The following ULBP3 variants were observed in gnomAD, a reference collection of about 807,000 sequenced individuals.
The protein encoded by ULBP3 is UL16 binding protein 3, also known as UL16-binding protein 3.
A neutral mutation model predicts 24.9 loss-of-function variants in ULBP3; 25 were observed. The ratio of observed to expected loss-of-function variants is 1.00; its 90% CI spans 0.73 to 1.40. ULBP3 has a LOEUF of 1.40. ULBP3 is among the 40% of genes most tolerant of loss of function. ULBP3 has a pLI of 0.00. For missense variants in ULBP3, 306 were observed against 307.5 expected, an observed-to-expected ratio of 1.00 and a Z score of 0.04; for synonymous variants, 114 against 114.7, an observed-to-expected ratio of 0.99 and a Z score of 0.04.
In ULBP3 at chr6:150,061,065, G is replaced by A. The variant is rs6557277; in HGVS notation, c.*2309C>T. ...TGGAAATCTTGTATAATTTCATTAT[G>A]CAGTGTTTAATTTTAGGGTTTGGCA... On this transcript the variant is annotated 3_prime_UTR_variant, in exon 5 of 5. Coordinates refer to ENST00000367339, the MANE Select transcript of ULBP3 (RefSeq NM_024518.3). 0.87 allele frequency among the ~76,000 whole-genome samples: 130,825 copies of A among 149,568 alleles called. 57,360 individuals are homozygous for A. Among genetic ancestry groups the A allele is most frequent in the Middle Eastern group, 0.92 (266 of 290 alleles).
intron 4 of ULBP3, 74 bp downstream of exon 4, chr6:150,064,511 T>C: frequency 7.3e-7 from 1 of 1,375,344 alleles, no homozygotes. Context: ...GGTGGGACTC[T>C]GGAAATTCTC....
chr6:150,066,227 C>G, intron 1 of ULBP3, 65 bp from the exon 2 acceptor site: 1 of 1,538,044 alleles, frequency 6.5e-7, no homozygotes, highest in South Asian at 1.2e-5. Flanking sequence ...AACACTGTGA[C>G]AGCAAGAGGG....
rs1189972009 is a variant in ULBP3 at position 150,065,925 on chromosome 6, G to A, written c.326C>T (p.Thr109Ile). 6.2e-7 allele frequency: 1 copy of A among 1,614,048 alleles called. No individual in the cohort carries two copies. The highest frequency in any genetic ancestry group is 8.5e-7 in the Non-Finnish European group (1 of 1,180,056). ...GQRLRLELAD[T>I]ELEDFTPSGP... ...ACTGGGTGTGAAATCCTCCAGCTCA[G>A]TGTCAGCCAGTTCCAGTCTGAGCCT... The change falls in exon 2 of 5, where the codon ACT becomes ATT. Residue 109 changes from threonine to isoleucine, a missense_variant. Coordinates refer to ENST00000367339, the MANE Select transcript of ULBP3 (RefSeq NM_024518.3).
rs764618699 is a variant in ULBP3 at position 150,065,531 on chromosome 6, T to C, written c.495A>G (p.Gly165=). 6.2e-7 allele frequency: 1 copy of C among 1,614,150 alleles called. No homozygotes were observed. The highest frequency in any genetic ancestry group is 1.1e-5 in the South Asian group (1 of 91,074). ...CCCACTTCTCTTTCATCCGCCTGGC[T>C]CCAGCGTGAACCACTGTCCACTTTC... ...NNRKWTVVHA[G]ARRMKEKWEK... The change falls in exon 3 of 5, where the codon GGA becomes GGG. Residue 165 remains glycine (G), a synonymous_variant. Transcript: ENST00000367339.
intron 1 of ULBP3, among the ~76,000 whole-genome samples, chr6:150,067,645 C>A (rs115923800): frequency 2.6e-3 from 389 of 152,284 alleles, no homozygotes; most frequent in African/African-American, 8.8e-3. Flanking sequence ...GGTCATATGA[C>A]CTCCCCTGTC....
At chr6:150,065,135 T>C (rs1582865215) in intron 3 of ULBP3, among the ~76,000 whole-genome samples, 1 of 151,802 alleles carries the variant, frequency 6.6e-6, no homozygotes, top group Non-Finnish European at 1.5e-5. Flanking sequence ...TTGAGGCTGG[T>C]GAGAAATCCA....
rs1040044718 is a variant in ULBP3, at chr6:150,062,427, C to T, written c.*947G>A. ...ACAATTTGCCAGGCATGGTGGCATG[C>T]GCCTGTAGTCCCAGCTACTCTAGAG... is the stretch of plus-strand genomic sequence containing the variant. On this transcript the variant is annotated 3_prime_UTR_variant, in exon 5 of 5. Transcript: ENST00000367339. Among the ~76,000 whole-genome samples the T allele has an allele frequency of 2.6e-5, 4 of 152,130 alleles. No individual in the cohort carries two copies. The highest frequency in any genetic ancestry group is 5.9e-5 in the Non-Finnish European group (4 of 68,030).
intron 1 of ULBP3, 121 bp downstream of exon 1, chr6:150,068,858 G>A (rs897120138): frequency 2.9e-6 from 3 of 1,033,418 alleles, no homozygotes; most frequent in African/African-American, 1.6e-5. Flanking sequence ...ACTGAGCGTG[G>A]GGGCAGTCCG....
rs557868235 is a variant in ULBP3 at position 150,068,906 on chromosome 6, T to C, written c.88+73A>G. Reference sequence around the variant, plus strand: ...CGGTCCTTCTAGAAGGCTTCCCTCCTCTGAAACCCGCTGCAGTCCACAGCC... The same window carrying C: ...CGGTCCTTCTAGAAGGCTTCCCTCCCCTGAAACCCGCTGCAGTCCACAGCC... On this transcript the variant is annotated intron_variant, in intron 1 of 4. Coordinates refer to ENST00000367339, the MANE Select transcript of ULBP3 (RefSeq NM_024518.3). 17 of 1,456,078 alleles carry C rather than the reference T, an allele frequency of 1.2e-5. No homozygotes were observed. The South Asian group carries it at 2.3e-4, about 20-fold the overall frequency. The allele number at this position is 1,456,078 out of a possible 1,614,324, so 90.2% of individuals were successfully genotyped here. A position where few individuals can be genotyped will look rare whatever the true frequency, so the allele number is the denominator to read the frequency against.
Position 150,066,140 on chromosome 6 carries a change from G to T in ULBP3, c.111C>A (p.Asn37Lys). The change falls in exon 2 of 5, where the codon AAC (asparagine) becomes AAA (lysine). Residue 37 changes from asparagine to lysine, a missense_variant. Coordinates refer to ENST00000367339, the MANE Select transcript of ULBP3 (RefSeq NM_024518.3). ...GTCTGGGCAAATGAATGATGGTGAA[G>T]TTATACCAGAGAGAGTGAGCGTCTA... ...GRADAHSLWY[N>K]FTIIHLPRHG... 6.2e-7 allele frequency: 1 copy of T among 1,613,824 alleles called. No homozygotes were observed. Among genetic ancestry groups the T allele is most frequent in the Non-Finnish European group, 8.5e-7 (1 of 1,179,904 alleles).
At chr6:150,067,765 C>G (rs533098696) in intron 1 of ULBP3, among the ~76,000 whole-genome samples, 1 of 152,290 alleles carries the variant, frequency 6.6e-6, no homozygotes, top group African/African-American at 2.4e-5. Flanking sequence ...CCTAAGATCC[C>G]AGAAGCATGT....
At position 150,066,168 on chromosome 6, in the gene ULBP3, G is replaced by GAAA; in HGVS notation, c.89-9_89-7dup. On this transcript the variant is annotated splice_polypyrimidine_tract_variant and splice_region_variant and intron_variant, in intron 1 of 4. Transcript: ENST00000367339. ...ATACCAGAGAGAGTGAGCGTCTAAGGAAAAAAAAAAAAAACACCAGAGAGT... is the reference window on the plus strand; with the variant it reads ...ATACCAGAGAGAGTGAGCGTCTAAGGAAAAAAAAAAAAAAAAACACCAGAGAGT... The GAAA allele has an allele frequency of 1.3e-6, 2 of 1,543,440 alleles. No homozygotes were observed. The highest frequency in any genetic ancestry group is 1.8e-5 in the Admixed American group (1 of 56,244).
intron 1 of ULBP3, among the ~76,000 whole-genome samples, 170 bp downstream of exon 1, chr6:150,068,809 G>A (rs970011904): frequency 6.6e-6 from 1 of 152,186 alleles, no homozygotes; most frequent in Non-Finnish European, 1.5e-5. Context: ...AGCAGCAGCC[G>A]CAGGAAGCGG....
chr6:150,068,494 A>T (rs535694123), intron 1 of ULBP3, among the ~76,000 whole-genome samples: 1 of 152,136 alleles, frequency 6.6e-6, no homozygotes, highest in Admixed American at 6.5e-5. Flanking sequence ...AAGGGACGGG[A>T]CTTGACACAG....
intron 1 of ULBP3, 40 bp from the exon 2 acceptor site, chr6:150,066,202 G>T: frequency 6.3e-7 from 1 of 1,595,036 alleles, no homozygotes; most frequent in Non-Finnish European, 8.5e-7. Context: ...GTGTTGGGGT[G>T]GGGGAAAGAC....
chr6:150,061,064 T>C lies in ULBP3; in HGVS notation c.*2310A>G, dbSNP rs1310862200. 6.6e-6 allele frequency among the ~76,000 whole-genome samples: 1 copy of C among 151,218 alleles called. No homozygotes were observed. On this transcript the variant is annotated 3_prime_UTR_variant, in exon 5 of 5. Transcript: ENST00000367339. ...ATGGAAATCTTGTATAATTTCATTA[T>C]GCAGTGTTTAATTTTAGGGTTTGGC...
Position 150,061,135 on chromosome 6 carries a change from C to T in ULBP3, c.*2239G>A, listed in dbSNP as rs140374099. On this transcript the variant is annotated 3_prime_UTR_variant, in exon 5 of 5. Transcript: ENST00000367339. Reference sequence around the variant, plus strand: ...TACAATTATCATCATATACAACTTACGATTATTTTAAATGACTAGAGTTTA... The same window carrying T: ...TACAATTATCATCATATACAACTTATGATTATTTTAAATGACTAGAGTTTA... Among the ~76,000 whole-genome samples the T allele has an allele frequency of 2.5e-4, 38 of 152,096 alleles. No homozygotes were observed. The highest frequency in any genetic ancestry group is 7.2e-4 in the African/African-American group (30 of 41,476).
In ULBP3 at chr6:150,061,973, T is replaced by C. The variant is rs558655240; in HGVS notation, c.*1401A>G. Among the ~76,000 whole-genome samples the C allele has an allele frequency of 6.6e-6, 1 of 152,342 alleles. No individual in the cohort carries two copies. Among genetic ancestry groups the C allele is most frequent in the Admixed American group, 6.5e-5 (1 of 15,296 alleles). On this transcript the variant is annotated 3_prime_UTR_variant, in exon 5 of 5. Coordinates refer to ENST00000367339, the MANE Select transcript of ULBP3 (RefSeq NM_024518.3). The stretch of plus-strand genomic sequence containing the variant: ...GCAGTTTTGATTTGCACTTATCTGA[T>C]GATTAGTGATATTGAGCATTTTTTC...
rs1776321967 is a variant in ULBP3, at chr6:150,064,814, G to T, written c.629-101C>A. On this transcript the variant is annotated intron_variant, in intron 3 of 4. Coordinates refer to ENST00000367339, the MANE Select transcript of ULBP3 (RefSeq NM_024518.3). Reference sequence around the variant, plus strand: ...CCCCAGGTCATCCGGGAAGGCAGAGGATTTGTCTCCCCTGCTGTGGGGCAG... The same window carrying T: ...CCCCAGGTCATCCGGGAAGGCAGAGTATTTGTCTCCCCTGCTGTGGGGCAG... The T allele has an allele frequency of 5.4e-6, 7 of 1,288,322 alleles. No individual in the cohort carries two copies. In the Admixed American group the frequency reaches 1.4e-4, roughly 26 times the overall value. 79.8% of individuals were successfully genotyped at this position (1,288,322 alleles called of 1,614,324 possible).
Sources: allele counts gnomAD v4.1 joint callset (sites outside exome capture counted in the v4.1 genomes callset), GRCh38; gene constraint gnomAD v4.1.1; transcripts MANE v1.5; gene names NCBI Gene and HGNC (gene_info 2026-07-23, HGNC 2026-07-21).